The following AIM2 variants were observed in gnomAD, a reference collection of about 807,000 sequenced individuals.
The protein encoded by AIM2 is absent in melanoma 2.
AIM2 carries 30 observed loss-of-function variants against 27.7 expected under a neutral mutation model. That is an observed-to-expected ratio of 1.08 (90% CI 0.81 to 1.47). AIM2 has a LOEUF of 1.47. Among genes scored for constraint, AIM2 ranks in the 40% most tolerant of loss-of-function variants. AIM2 has a pLI of 0.00. For missense variants in AIM2, 358 were observed against 411.3 expected (o/e 0.87, Z 1.12); for synonymous variants, 141 against 145.3 (o/e 0.97, Z 0.21).
At chr1:159,102,190 C>G (rs561877255) in intron 1 of AIM2, among the ~76,000 whole-genome samples, 63 of 152,332 alleles carry the variant, frequency 4.1e-4, no homozygotes, top group African/African-American at 1.5e-3. Flanking sequence ...CAGCTCAATC[C>G]AGTGCTTCAG....
the AIM2 span, among the ~76,000 whole-genome samples, chr1:159,057,017 A>C: frequency 1.2e-4 from 18 of 152,268 alleles, no homozygotes; most frequent in African/African-American, 4.1e-4. Context: ...ACTCATCTAA[A>C]AAGAGGGGAG....
intron 1 of AIM2, among the ~76,000 whole-genome samples, chr1:159,087,109 T>C (rs1656932166): frequency 6.6e-6 from 1 of 152,228 alleles, no homozygotes; most frequent in Non-Finnish European, 1.5e-5. Flanking sequence ...AAATCATTGA[T>C]TGTCTTAGGA....
At chr1:159,092,847 A>G (rs1657077310) in intron 1 of AIM2, among the ~76,000 whole-genome samples, 1 of 151,994 alleles carries the variant, frequency 6.6e-6, no homozygotes, top group Non-Finnish European at 1.5e-5. Context: ...AACATGGTGA[A>G]ACCCCATCTC....
chr1:159,118,596 T>G (rs1432292971), intron 1 of AIM2, among the ~76,000 whole-genome samples: 1 of 152,158 alleles, frequency 6.6e-6, no homozygotes, highest in Non-Finnish European at 1.5e-5. Flanking sequence ...ATCTGTAGGG[T>G]GGTACTTAGG....
rs527867992 is a variant in AIM2 at position 159,139,886 on chromosome 1, A to T, written c.-16+545T>A. On this transcript the variant is annotated intron_variant, in intron 1 of 2. Transcript: ENST00000368129. ...GAGTGGGCCCTTGCCCCGAATTTTA[A>T]CAGTGATATAGAAATAATATCCTTA... is the stretch of plus-strand genomic sequence containing the variant. Among the ~76,000 whole-genome samples the T allele has an allele frequency of 5.3e-5, 8 of 152,308 alleles. 1 individual carries two copies. In the East Asian group the frequency reaches 1.5e-3, roughly 29 times the overall value.
At chr1:159,061,417 G>A (rs1043263186), downstream of AIM2, among the ~76,000 whole-genome samples, 3 of 152,028 alleles carry the variant, frequency 2.0e-5, no homozygotes, top group Non-Finnish European at 2.9e-5. Context: ...TTTTGAGACA[G>A]AGTCTTACTC....
chr1:159,138,533 C>T (rs1648053520), intron 1 of AIM2, among the ~76,000 whole-genome samples: 1 of 152,144 alleles, frequency 6.6e-6, no homozygotes, highest in Non-Finnish European at 1.5e-5. Context: ...ACCTGTCTGT[C>T]ATTTGTCTTC....
chr1:159,105,677 G>T (rs528706476), intron 1 of AIM2, among the ~76,000 whole-genome samples: 1 of 152,136 alleles, frequency 6.6e-6, no homozygotes, highest in Admixed American at 6.5e-5. Context: ...CTGGAGGCAC[G>T]TCATCCTGAT....
chr1:159,081,161 C>A, upstream of AIM2: 1 of 232,436 alleles, frequency 4.3e-6, no homozygotes, highest in East Asian at 1.1e-4. Flanking sequence ...ACTTCATCAT[C>A]AGGGCAACAG....
At chr1:159,101,179 G>C (rs543053649) in intron 1 of AIM2, among the ~76,000 whole-genome samples, 12 of 151,014 alleles carry the variant, frequency 7.9e-5, no homozygotes, top group Non-Finnish European at 1.5e-4. Context: ...TCATGGGGCT[G>C]TTGGGGGCAG....
rs878991423 is a variant in AIM2 at position 159,068,460 on chromosome 1, T to C, written c.396+108A>G. 5.6e-6 allele frequency: 8 copies of C among 1,423,668 alleles called. No individual in the cohort carries two copies. In the South Asian group the frequency reaches 1.2e-4, roughly 22 times the overall value. The allele number at this position is 1,423,668 out of a possible 1,614,324, so 88.2% of individuals were successfully genotyped here. A position where few individuals can be genotyped will look rare whatever the true frequency, so the allele number is the denominator to read the frequency against. ...AATGCTTTTCATGCTGTGGCCTTGC[T>C]TCCCTTATTTGCATGCTGTGAGATA... On this transcript the variant is annotated intron_variant, in intron 3 of 5. Transcript: ENST00000368130.
chr1:159,101,172 T>C (rs946457911), intron 1 of AIM2, among the ~76,000 whole-genome samples: 2 of 147,172 alleles, frequency 1.4e-5, no homozygotes, highest in Non-Finnish European at 1.5e-5. Context: ...AATTGGATCA[T>C]GGGGCTGTTG....
chr1:159,122,066 T>C (rs1420494939), intron 1 of AIM2, among the ~76,000 whole-genome samples: 1 of 151,762 alleles, frequency 6.6e-6, no homozygotes, highest in Non-Finnish European at 1.5e-5. Flanking sequence ...AGTTAAAGAG[T>C]AAAGGGTACA....
chr1:159,114,192 CACCCCAAACAGTATA>C (rs377228829), intron 1 of AIM2, among the ~76,000 whole-genome samples: 205 of 152,246 alleles, frequency 1.3e-3, no homozygotes, highest in African/African-American at 4.7e-3. Context: ...GCAAAGGAAA[CACCCCAAACAGTATA>C]AGGGACTATG....
At chr1:159,090,486 T>C (rs1657019987) in intron 1 of AIM2, among the ~76,000 whole-genome samples, 1 of 152,252 alleles carries the variant, frequency 6.6e-6, no homozygotes, top group South Asian at 2.1e-4. Flanking sequence ...ATTTCATAAT[T>C]TTGTCATTGT....
intron 1 of AIM2, among the ~76,000 whole-genome samples, chr1:159,085,462 G>C (rs979897008): frequency 8.5e-5 from 13 of 152,316 alleles, no homozygotes; most frequent in Middle Eastern, 3.4e-3. Context: ...AGTACCCAAG[G>C]AGGAGTAGGT....
chr1:159,105,875 C>T (rs558291423), intron 1 of AIM2, among the ~76,000 whole-genome samples: 1 of 152,118 alleles, frequency 6.6e-6, no homozygotes, highest in Admixed American at 6.5e-5. Context: ...GCAGACTCCA[C>T]CCAACACTGA....
chr1:159,102,735 C>T (rs1465322869), intron 1 of AIM2, among the ~76,000 whole-genome samples: 4 of 152,188 alleles, frequency 2.6e-5, no homozygotes, highest in Non-Finnish European at 5.9e-5. Context: ...GGCCTGTAGC[C>T]CCTTCTTTTT....
At chr1:159,118,790 C>T (rs1294790769) in intron 1 of AIM2, among the ~76,000 whole-genome samples, 2 of 152,114 alleles carry the variant, frequency 1.3e-5, no homozygotes, top group Non-Finnish European at 2.9e-5. Context: ...TCACAGAGCT[C>T]GTCCTTTAAA....
Sources: gnomAD v4.1 joint callset for allele counts (sites outside exome capture counted in the v4.1 genomes callset) on GRCh38, gnomAD v4.1.1 for gene constraint, MANE v1.5 for transcripts, NCBI Gene and HGNC (gene_info 2026-07-23, HGNC 2026-07-21) for gene names.